Variants in RP1 observed in about 807,000 individuals in gnomAD.
RP1 encodes RP1 axonemal microtubule associated.
In RP1, 16 loss-of-function variants were observed where a neutral mutation model predicts 14.8. That is an observed-to-expected ratio of 1.08 (90% CI 0.73 to 1.65). The LOEUF is 1.65. RP1 is among the 40% of genes most tolerant of loss of function. The pLI is 0.00. For synonymous variants in RP1, 876 were observed against 883.6 expected, an observed-to-expected ratio of 0.99 and a Z score of 0.15; for missense variants, 2,631 against 2,535.0, an observed-to-expected ratio of 1.04 and a Z score of -0.81.
At chr8:54,718,979 A>G (rs955925079) in intron 15 of RP1, among the ~76,000 whole-genome samples, 2 of 152,222 alleles carry the variant, frequency 1.3e-5, no homozygotes, top group African/African-American at 2.4e-5. Context: ...GTAAACCTTA[A>G]TGTATGCAAA....
intron 22 of RP1, among the ~76,000 whole-genome samples, chr8:54,766,975 T>G (rs1322939242): frequency 6.6e-6 from 1 of 152,194 alleles, no homozygotes; most frequent in African/African-American, 2.4e-5. Context: ...CATCTGTTCA[T>G]TGGCTTTGGG....
chr8:54,803,322 T>G (rs1810759351), intron 24 of RP1, among the ~76,000 whole-genome samples: 1 of 152,152 alleles, frequency 6.6e-6, no homozygotes, highest in South Asian at 2.1e-4. Context: ...TTGGAACTGT[T>G]GATAACACAA....
chr8:54,609,947 A>G (rs1000476081), intron 1 of RP1, among the ~76,000 whole-genome samples: 1 of 152,208 alleles, frequency 6.6e-6, no homozygotes, highest in African/African-American at 2.4e-5. Context: ...ATACACGCAT[A>G]TTACACCTCA....
rs543991127 is a variant in RP1, at chr8:54,694,898, T to C, written c.1718-4569T>C. 1.8e-3 allele frequency among the ~76,000 whole-genome samples: 270 copies of C among 152,316 alleles called. 1 individual carries two copies. Among genetic ancestry groups the C allele is most frequent in the Middle Eastern group, 3.4e-3 (1 of 294 alleles). The stretch of plus-strand genomic sequence containing the variant: ...GTTTGCTCTTGCTTTTCTAGTTCTT[T>C]TAATTGTGATGTTAGGATGTCAATT... On this transcript the variant is annotated intron_variant, in intron 12 of 22. Transcript: ENST00000636932.
chr8:54,670,690 T>G (rs1403956219), intron 7 of RP1, among the ~76,000 whole-genome samples: 1 of 138,240 alleles, frequency 7.2e-6, no homozygotes, highest in African/African-American at 2.7e-5. Context: ...TATATATATA[T>G]ATATATATAT....
intron 24 of RP1, among the ~76,000 whole-genome samples, chr8:54,822,642 T>C (rs1811285118): frequency 6.6e-6 from 1 of 152,208 alleles, no homozygotes; most frequent in African/African-American, 2.4e-5. Context: ...TGTTTCTTTG[T>C]CTGTGGCAAT....
Position 54,625,722 on chromosome 8 carries a change from C to A in RP1, c.1840C>A (p.His614Asn). Reference protein sequence around the residue: ...RFSPISADATHFSSNNSGTDK... With the variant: ...RFSPISADATNFSSNNSGTDK... ...CAGTCCTATTTCAGCAGATGCAACC[C>A]ATTTTTCAAGTAATAACTCTGGAAC... Residue 614 changes from histidine to asparagine, a missense_variant, in exon 4 of 4, where the codon CAT becomes AAT. His to Asn is a moderately conservative substitution (Grantham distance 68). Transcript: ENST00000220676. 1 of 1,613,994 alleles carries A rather than the reference C, an allele frequency of 6.2e-7. No individual in the cohort carries two copies. The highest frequency in any genetic ancestry group is 8.5e-7 in the Non-Finnish European group (1 of 1,179,978).
chr8:54,704,160 T>C (rs1299652112), intron 14 of RP1, among the ~76,000 whole-genome samples: 4 of 152,250 alleles, frequency 2.6e-5, no homozygotes, highest in Admixed American at 2.6e-4. Flanking sequence ...GGGCCTAGCT[T>C]TAGATCTGCC....
intron 1 of RP1, among the ~76,000 whole-genome samples, chr8:54,606,762 T>C (rs908562687): frequency 6.6e-6 from 1 of 152,214 alleles, no homozygotes; most frequent in Non-Finnish European, 1.5e-5. Flanking sequence ...TTTTTTTCTC[T>C]AAACTTCTCT....
chr8:54,696,611 C>T, intron 12 of RP1: 1 of 789,342 alleles, frequency 1.3e-6, no homozygotes, highest in South Asian at 1.5e-5. Flanking sequence ...TCTCAGATGA[C>T]CAGAAGTGAA....
chr8:54,769,031 G>A (rs1292532396), intron 22 of RP1, among the ~76,000 whole-genome samples: 2 of 151,828 alleles, frequency 1.3e-5, no homozygotes, highest in Non-Finnish European at 2.9e-5. Flanking sequence ...GAGTAGCTGG[G>A]ACTACAGGCG....
At chr8:54,679,577 C>T (rs1807377451) in intron 10 of RP1, 1 of 1,535,672 alleles carries the variant, frequency 6.5e-7, no homozygotes, top group East Asian at 2.4e-5. Context: ...AATTAATTGC[C>T]CTCTCTTTAT....
intron 19 of RP1, among the ~76,000 whole-genome samples, chr8:54,745,597 TAA>T (rs923054515): frequency 1.3e-5 from 2 of 152,214 alleles, no homozygotes; most frequent in African/African-American, 4.8e-5. Flanking sequence ...AAGGCATTCC[TAA>T]AATTGTTCCT....
intron 16 of RP1, among the ~76,000 whole-genome samples, chr8:54,722,271 T>TG (rs1478025527): frequency 7.6e-5 from 10 of 130,814 alleles, no homozygotes; most frequent in African/African-American, 2.5e-4. Flanking sequence ...ATGGTTTTTT[T>TG]TTTTGTGTGT....
chr8:54,637,509 T>G (rs1234995819), intron 3 of RP1, among the ~76,000 whole-genome samples: 1 of 152,224 alleles, frequency 6.6e-6, no homozygotes, highest in African/African-American at 2.4e-5. Flanking sequence ...AAATAAAAAA[T>G]AGACCACTTT....
chr8:54,576,330 C>T (rs1174109935), intron 1 of RP1, among the ~76,000 whole-genome samples: 1 of 152,228 alleles, frequency 6.6e-6, no homozygotes, highest in Non-Finnish European at 1.5e-5. Context: ...CAGGCGTGAG[C>T]CACCGCGCCC....
chr8:54,755,588 C>A (rs748597014), intron 20 of RP1: 1 of 1,534,372 alleles, frequency 6.5e-7, no homozygotes, highest in South Asian at 1.2e-5. Flanking sequence ...AATGTATTTC[C>A]TCTTATTTTC....
At chr8:54,633,731 C>A (rs1487874708), downstream of RP1, among the ~76,000 whole-genome samples, 713 of 134,292 alleles carry the variant, frequency 5.3e-3, 2 homozygotes, top group Middle Eastern at 0.011. Flanking sequence ...CTCTCTCTCT[C>A]TCTCTCTATA....
Position 54,628,070 on chromosome 8 carries a change from A to T in RP1, c.4188A>T (p.Leu1396Phe). 2 of 1,614,064 alleles carry T rather than the reference A, an allele frequency of 1.2e-6. No homozygotes were observed. Among genetic ancestry groups the T allele is most frequent in the Non-Finnish European group, 1.7e-6 (2 of 1,179,942 alleles). The change falls in exon 4 of 4, where the codon TTA (leucine) becomes TTT (phenylalanine). Residue 1396 changes from leucine (L) to phenylalanine (F), a missense_variant. Physicochemically the swap from Leu to Phe is conservative, Grantham distance 22 (BLOSUM62 0). Coordinates refer to ENST00000220676, the MANE Select transcript of RP1 (RefSeq NM_006269.2). The stretch of plus-strand genomic sequence containing the variant: ...TGTCACATCAAAATGTCAGTAATTT[A>T]AGCTCCTGTGGCCTTTGCCTAAGTG... ...TLVSHQNVSN[L>F]SSCGLCLSEK...
Sources: gnomAD v4.1 joint callset for allele counts (sites outside exome capture counted in the v4.1 genomes callset) on GRCh38, gnomAD v4.1.1 for gene constraint, MANE v1.5 for transcripts, NCBI Gene and HGNC (gene_info 2026-07-23, HGNC 2026-07-21) for gene names.